The following EML4 variants were observed in gnomAD, a reference collection of about 807,000 sequenced individuals.
EML4 encodes echinoderm microtubule-associated protein-like 4.
EML4 carries 72 observed loss-of-function variants against 129.0 expected under a neutral mutation model. That is an observed-to-expected ratio of 0.56 (90% CI 0.46 to 0.68). The LOEUF (loss-of-function observed/expected upper bound fraction) is 0.68. EML4 is among the 30% of genes least tolerant of loss of function. EML4 has a pLI of 0.00. For missense variants in EML4, 1,363 were observed against 1,190.6 expected (o/e 1.14, Z -2.13); for synonymous variants, 532 against 405.0 (o/e 1.31, Z -3.77).
At chr2:42,199,968 C>A (rs1025609350) in intron 1 of EML4, among the ~76,000 whole-genome samples, 1 of 151,902 alleles carries the variant, frequency 6.6e-6, no homozygotes, top group Non-Finnish European at 1.5e-5. Flanking sequence ...TGGATCATTC[C>A]TTAATGAGAT....
At chr2:42,259,987 C>A (rs1009657333) in intron 3 of EML4, among the ~76,000 whole-genome samples, 6 of 151,788 alleles carry the variant, frequency 4.0e-5, no homozygotes, top group Non-Finnish European at 8.8e-5. Context: ...ACCTCGGCCT[C>A]CCAGAGTGCT....
At chr2:42,307,670 T>C (rs1334190884) in intron 17 of EML4, among the ~76,000 whole-genome samples, 1 of 152,220 alleles carries the variant, frequency 6.6e-6, no homozygotes, top group Non-Finnish European at 1.5e-5. Flanking sequence ...TATTTACTTA[T>C]TTAGAGACAG....
At chr2:42,275,287 G>A (rs1666593437) in intron 6 of EML4, among the ~76,000 whole-genome samples, 3 of 152,136 alleles carry the variant, frequency 2.0e-5, no homozygotes, top group South Asian at 4.1e-4. Context: ...AATCTGGTTT[G>A]TATATTTCCA....
intron 1 of EML4, among the ~76,000 whole-genome samples, chr2:42,242,872 G>T (rs1056791227): frequency 3.3e-5 from 5 of 151,778 alleles, no homozygotes; most frequent in African/African-American, 4.8e-5. Flanking sequence ...TCTTTGACTG[G>T]GTTTAAGTGA....
At position 42,331,567 on chromosome 2, in the gene EML4, A is replaced by G. The variant is rs1454739882; in HGVS notation, c.*1360A>G. 11 of 223,610 alleles carry G rather than the reference A, an allele frequency of 4.9e-5. No individual in the cohort carries two copies. The highest frequency in any genetic ancestry group is 1.3e-4 in the African/African-American group (6 of 44,874). The allele number at this position is 223,610 out of a possible 1,614,324, so 13.9% of individuals were successfully genotyped here. A position where few individuals can be genotyped will look rare whatever the true frequency, so the allele number is the denominator to read the frequency against. On this transcript the variant is annotated 3_prime_UTR_variant, in exon 23 of 23. Coordinates refer to ENST00000318522, the MANE Select transcript of EML4 (RefSeq NM_019063.5). ...TTGCTGCATTGTTTTGATACTTTCT[A>G]TTTTTTTGGTCAAATCATGTTTAGA...
chr2:42,178,598 G>T (rs1300931853), intron 1 of EML4, among the ~76,000 whole-genome samples: 1 of 152,112 alleles, frequency 6.6e-6, no homozygotes, highest in African/African-American at 2.4e-5. Flanking sequence ...AGTATCCCCC[G>T]TGTGGTGCCT....
At chr2:42,207,887 A>T (rs916117708) in intron 1 of EML4, 5 of 152,228 alleles carry the variant, frequency 3.3e-5, no homozygotes, top group African/African-American at 1.2e-4. Flanking sequence ...AGCTATAGTT[A>T]CATTATCTTA....
intron 1 of EML4, among the ~76,000 whole-genome samples, chr2:42,201,865 T>C (rs1380217983): frequency 2.6e-5 from 4 of 152,164 alleles, no homozygotes; most frequent in Non-Finnish European, 4.4e-5. Flanking sequence ...GCAGATCACT[T>C]GAGGCCAGGA....
chr2:42,263,224 A>C lies in EML4; in HGVS notation c.559A>C (p.Asn187His), dbSNP rs755959177. The C allele has an allele frequency of 6.2e-7, 1 of 1,613,238 alleles. No individual in the cohort carries two copies. Among genetic ancestry groups the C allele is most frequent in the Non-Finnish European group, 8.5e-7 (1 of 1,179,660 alleles). ...TGAAAAGTCACATAATTCTTGGGAA[A>C]ATTCAGATGATAGCCGTAATAAATT... ...PAEKSHNSWE[N>H]SDDSRNKLSK... The change falls in exon 5 of 23, where the codon AAT becomes CAT. Residue 187 changes from asparagine (N) to histidine (H), a missense_variant. Transcript: ENST00000318522.
intron 1 of EML4, among the ~76,000 whole-genome samples, chr2:42,187,806 T>C (rs1017000236): frequency 1.3e-5 from 2 of 152,324 alleles, no homozygotes; most frequent in South Asian, 4.1e-4. Context: ...TAACAGTCTT[T>C]AGAAGAGTGA....
intron 1 of EML4, among the ~76,000 whole-genome samples, chr2:42,203,600 G>T (rs1057224596): frequency 6.6e-6 from 1 of 150,762 alleles, no homozygotes; most frequent in Non-Finnish European, 1.5e-5. Context: ...AATACTAACA[G>T]CCGTTTATAT....
intron 6 of EML4, among the ~76,000 whole-genome samples, chr2:42,268,503 T>C (rs1004012690): frequency 3.9e-5 from 6 of 152,096 alleles, no homozygotes; most frequent in African/African-American, 1.4e-4. Flanking sequence ...CAGTGCACGA[T>C]CATAACTCAC....
At chr2:42,227,910 G>A (rs1674078903) in intron 1 of EML4, among the ~76,000 whole-genome samples, 1 of 152,106 alleles carries the variant, frequency 6.6e-6, no homozygotes, top group Non-Finnish European at 1.5e-5. Context: ...TAATAGTTAA[G>A]TTTGTAGGGA....
intron 3 of EML4, among the ~76,000 whole-genome samples, chr2:42,258,871 A>G (rs892450951): frequency 1.3e-5 from 2 of 152,252 alleles, no homozygotes; most frequent in Non-Finnish European, 2.9e-5. Flanking sequence ...TGTATATACT[A>G]TGTACATTTA....
At chr2:42,269,571 G>A (rs1342716041) in intron 6 of EML4, among the ~76,000 whole-genome samples, 1 of 152,154 alleles carries the variant, frequency 6.6e-6, no homozygotes, top group South Asian at 2.1e-4. Context: ...AATAAGGAGA[G>A]CAGAGAATTG....
chr2:42,244,361 T>A (rs1302960105), intron 1 of EML4, among the ~76,000 whole-genome samples: 1 of 152,156 alleles, frequency 6.6e-6, no homozygotes, highest in Non-Finnish European at 1.5e-5. Context: ...CCTCCCAAAG[T>A]GCTGGGATTA....
chr2:42,172,593 T>C lies in EML4; in HGVS notation c.25+2957T>C, dbSNP rs1273595654. Among the ~76,000 whole-genome samples the C allele has an allele frequency of 2.0e-5, 3 of 152,274 alleles. No individual in the cohort carries two copies. The East Asian group carries it at 5.8e-4, about 29-fold the overall frequency. Reference sequence around the variant, plus strand: ...CTTGTACTCTGGAATTTCCCTTAGGTATTATTAATATATCTTTTAATCCAC... The same window carrying C: ...CTTGTACTCTGGAATTTCCCTTAGGCATTATTAATATATCTTTTAATCCAC... On this transcript the variant is annotated intron_variant, in intron 1 of 22. Coordinates refer to ENST00000318522, the MANE Select transcript of EML4 (RefSeq NM_019063.5).
chr2:42,253,684 A>T (rs994883095), intron 2 of EML4, among the ~76,000 whole-genome samples: 1 of 152,226 alleles, frequency 6.6e-6, no homozygotes, highest in African/African-American at 2.4e-5. Flanking sequence ...GAGTTATTTC[A>T]ACCCTAATTC....
At chr2:42,197,401 G>T (rs1671956363) in intron 1 of EML4, among the ~76,000 whole-genome samples, 1 of 151,120 alleles carries the variant, frequency 6.6e-6, no homozygotes, top group Non-Finnish European at 1.5e-5. Context: ...TGTTGGTAAA[G>T]AAAAAGAACC....
Sources: allele counts gnomAD v4.1 joint callset (sites outside exome capture counted in the v4.1 genomes callset), GRCh38; gene constraint gnomAD v4.1.1; transcripts MANE v1.5; gene names NCBI Gene and HGNC (gene_info 2026-07-23, HGNC 2026-07-21).